The following GRK3 variants were observed in gnomAD, a reference collection of about 807,000 sequenced individuals.
The protein encoded by GRK3 is G protein-coupled receptor kinase 3.
GRK3 carries 54 observed loss-of-function variants against 95.7 expected under a neutral mutation model. The ratio of observed to expected loss-of-function variants is 0.56; its 90% CI spans 0.45 to 0.71. The LOEUF is 0.71. Ranked by LOEUF, GRK3 falls within the 30% of genes least tolerant of loss-of-function variation. The pLI is 0.00. For synonymous variants in GRK3, 281 were observed against 290.8 expected (o/e 0.97, Z 0.34); for missense variants, 649 against 851.2 (o/e 0.76, Z 2.96).
intron 4 of GRK3, among the ~76,000 whole-genome samples, chr22:25,661,925 T>A (rs936316620): frequency 6.6e-6 from 1 of 152,228 alleles, no homozygotes; most frequent in Admixed American, 6.5e-5. Flanking sequence ...ATAAAATTGC[T>A]AATTTAGATC....
chr22:25,680,624 A>AGGGTT (rs2085066550), intron 9 of GRK3, among the ~76,000 whole-genome samples: 1 of 152,218 alleles, frequency 6.6e-6, no homozygotes, highest in Admixed American at 6.5e-5. Context: ...GTGTAACCCT[A>AGGGTT]AAAGAGTAAA....
intron 1 of GRK3, among the ~76,000 whole-genome samples, chr22:25,594,100 C>A (rs1259226542): frequency 6.6e-6 from 1 of 151,828 alleles, no homozygotes; most frequent in African/African-American, 2.4e-5. Context: ...TTTTTTATTC[C>A]ATATTAATCT....
chr22:25,690,423 G>A (rs2085156297), intron 12 of GRK3, 140 bp downstream of exon 12: 1 of 657,086 alleles, frequency 1.5e-6, no homozygotes, highest in African/African-American at 1.8e-5. Context: ...CGTGGGAAAG[G>A]AGATAAGAAC....
At chr22:25,618,152 GT>G (rs1394511838) in intron 2 of GRK3, among the ~76,000 whole-genome samples, 1 of 152,216 alleles carries the variant, frequency 6.6e-6, no homozygotes, top group East Asian at 1.9e-4. Context: ...CACTGGAATT[GT>G]TTCCAGTGTG....
chr22:25,645,195 G>A (rs143392753), intron 3 of GRK3, among the ~76,000 whole-genome samples: 1 of 152,272 alleles, frequency 6.6e-6, no homozygotes, highest in Non-Finnish European at 1.5e-5. Context: ...CTTCCAGAAG[G>A]CACATTGAAA....
In GRK3 at chr22:25,587,016, C is replaced by T. The variant is rs149625043; in HGVS notation, c.114-17361C>T. On this transcript the variant is annotated intron_variant, in intron 1 of 20. Transcript: ENST00000324198. ...TCTCCTGCCTCAGCCTCCTGAGTAG[C>T]TGGGATTACAGGTGCCTGCCACCAC... 5.1e-3 allele frequency among the ~76,000 whole-genome samples: 775 copies of T among 152,082 alleles called. 32 individuals carry two copies. In the East Asian group the frequency reaches 0.1, roughly 21 times the overall value.
chr22:25,650,627 A>G (rs988553082), intron 3 of GRK3, among the ~76,000 whole-genome samples: 34 of 152,206 alleles, frequency 2.2e-4, no homozygotes, highest in African/African-American at 8.0e-4. Context: ...AAGAAGAGGG[A>G]TGGAATGTAA....
At chr22:25,669,656 T>C (rs2084965963) in intron 6 of GRK3, among the ~76,000 whole-genome samples, 1 of 152,212 alleles carries the variant, frequency 6.6e-6, no homozygotes, top group Non-Finnish European at 1.5e-5. Flanking sequence ...TGATTGGGAA[T>C]AGCACTCAAA....
chr22:25,585,513 T>C (rs552398252), intron 1 of GRK3, among the ~76,000 whole-genome samples: 1 of 152,308 alleles, frequency 6.6e-6, no homozygotes, highest in Admixed American at 6.5e-5. Flanking sequence ...ATTATACACA[T>C]ACACACACAG....
intron 3 of GRK3, chr22:25,648,344 A>G: frequency 7.8e-7 from 1 of 1,278,992 alleles, no homozygotes; most frequent in Non-Finnish European, 1.1e-6. Context: ...CTGATGGTTT[A>G]TGCCACAAGT....
At chr22:25,565,601 T>C (rs1931448450) in intron 1 of GRK3, among the ~76,000 whole-genome samples, 1 of 152,200 alleles carries the variant, frequency 6.6e-6, no homozygotes. Context: ...TTGGTCCCCC[T>C]TTCCAACTCC....
At chr22:25,716,901 A>T (rs1406774074) in intron 18 of GRK3, among the ~76,000 whole-genome samples, 1 of 152,156 alleles carries the variant, frequency 6.6e-6, no homozygotes, top group Non-Finnish European at 1.5e-5. Context: ...TTCTCGTAGG[A>T]TTGCAAACCC....
intron 9 of GRK3, among the ~76,000 whole-genome samples, chr22:25,682,827 C>G (rs1040423520): frequency 6.6e-6 from 1 of 152,204 alleles, no homozygotes; most frequent in Admixed American, 6.5e-5. Flanking sequence ...TTGTGCCTCT[C>G]CCAGTCACTA....
intron 19 of GRK3, among the ~76,000 whole-genome samples, chr22:25,719,995 A>G (rs949334988): frequency 6.6e-6 from 1 of 152,204 alleles, no homozygotes; most frequent in Non-Finnish European, 1.5e-5. Context: ...TTGAAAAATT[A>G]GAATCTAGGA....
chr22:25,599,484 C>T (rs950797348), intron 1 of GRK3, among the ~76,000 whole-genome samples: 4 of 150,636 alleles, frequency 2.7e-5, no homozygotes, highest in African/African-American at 9.8e-5. Flanking sequence ...CTCAGCTACT[C>T]GGGAGGCTGA....
chr22:25,577,281 T>C (rs181105094), intron 1 of GRK3, among the ~76,000 whole-genome samples: 3 of 152,162 alleles, frequency 2.0e-5, no homozygotes, highest in Admixed American at 2.0e-4. Flanking sequence ...CAACTGATTC[T>C]CCTGCCTCAG....
intron 3 of GRK3, chr22:25,648,556 T>C: frequency 2.1e-6 from 3 of 1,427,634 alleles, no homozygotes; most frequent in Non-Finnish European, 3.0e-6. Context: ...GAAGCTTTTC[T>C]TCAAGAAGCT....
At chr22:25,658,937 A>G (rs1403197360) in intron 3 of GRK3, among the ~76,000 whole-genome samples, 1 of 152,078 alleles carries the variant, frequency 6.6e-6, no homozygotes, top group Non-Finnish European at 1.5e-5. Context: ...GTTAAATTTG[A>G]GATGCTTTCT....
chr22:25,651,540 C>T (rs1335685253), intron 3 of GRK3, among the ~76,000 whole-genome samples: 3 of 152,122 alleles, frequency 2.0e-5, no homozygotes, highest in Admixed American at 6.5e-5. Flanking sequence ...AGAAGAGTGA[C>T]GTCATTATTT....
Sources: allele counts gnomAD v4.1 joint callset (sites outside exome capture counted in the v4.1 genomes callset), GRCh38; gene constraint gnomAD v4.1.1; transcripts MANE v1.5; gene names NCBI Gene and HGNC (gene_info 2026-07-23, HGNC 2026-07-21).